MACROD2: variants seen among roughly 807,000 people sequenced by gnomAD.
MACROD2 encodes the protein ADP-ribose glycohydrolase MACROD2.
Under a neutral mutation model 70.4 loss-of-function variants are expected in MACROD2, and 36 were observed. The ratio of observed to expected loss-of-function variants is 0.51; its 90% CI spans 0.39 to 0.68. The LOEUF is 0.68. Ranked by LOEUF, MACROD2 falls within the 30% of genes least tolerant of loss-of-function variation. The pLI is 0.00. For synonymous variants in MACROD2, 172 were observed against 178.8 expected, an observed-to-expected ratio of 0.96 and a Z score of 0.30; for missense variants, 496 against 538.4, an observed-to-expected ratio of 0.92 and a Z score of 0.78.
intron 5 of MACROD2, among the ~76,000 whole-genome samples, chr20:14,770,591 A>G (rs1189914595): frequency 6.6e-6 from 1 of 152,110 alleles, no homozygotes; most frequent in Non-Finnish European, 1.5e-5. Flanking sequence ...ATTCACTTCT[A>G]GAATATTTTA....
intron 6 of MACROD2, among the ~76,000 whole-genome samples, chr20:15,275,778 G>C (rs2077385503): frequency 6.6e-6 from 1 of 152,138 alleles, no homozygotes; most frequent in Admixed American, 6.5e-5. Flanking sequence ...TGGAGACTCA[G>C]GCCTGTCTCT....
intron 4 of MACROD2, among the ~76,000 whole-genome samples, chr20:14,572,317 A>G (rs987952531): frequency 3.9e-5 from 6 of 152,150 alleles, no homozygotes; most frequent in African/African-American, 1.4e-4. Context: ...TAGGATTCTC[A>G]AATATTGCTG....
In MACROD2 at chr20:14,974,117, G is replaced by T. The variant is rs1006835055; in HGVS notation, c.419-255823G>T. On this transcript the variant is annotated intron_variant, in intron 5 of 17. Transcript: ENST00000684519. ...CTAATGCAATAGCCAGTTGGAAAGG[G>T]TCAAGTGAAAGCTGAAGTAAGGAAT... Among the ~76,000 whole-genome samples the T allele has an allele frequency of 4.6e-5, 7 of 152,304 alleles. 1 individual carries two copies. Among genetic ancestry groups the T allele is most frequent in the Admixed American group, 3.9e-4 (6 of 15,304 alleles).
At chr20:15,623,667 G>A (rs1023802288) in intron 8 of MACROD2, among the ~76,000 whole-genome samples, 1 of 145,842 alleles carries the variant, frequency 6.9e-6, no homozygotes, top group African/African-American at 2.6e-5. Flanking sequence ...ACTAAGTTTA[G>A]CAAGTTATCT....
At chr20:15,647,887 T>A (rs550462169) in intron 8 of MACROD2, among the ~76,000 whole-genome samples, 93 of 152,104 alleles carry the variant, frequency 6.1e-4, no homozygotes, top group African/African-American at 2.1e-3. Flanking sequence ...ATCGGCTAAT[T>A]TTTGTATTTT....
At chr20:15,216,787 G>A (rs890983437) in intron 5 of MACROD2, among the ~76,000 whole-genome samples, 5 of 152,028 alleles carry the variant, frequency 3.3e-5, no homozygotes, top group East Asian at 1.9e-4. Flanking sequence ...CTCAGAAGAC[G>A]CCCGTGAAAC....
intron 3 of MACROD2, chr20:14,127,572 CTT>C: frequency 6.3e-6 from 3 of 477,472 alleles, no homozygotes; most frequent in Admixed American, 3.1e-5. Flanking sequence ...AGAGAAGAAA[CTT>C]TGAGTAGGAA....
intron 8 of MACROD2, among the ~76,000 whole-genome samples, chr20:15,729,641 A>G (rs914832319): frequency 6.6e-6 from 1 of 152,028 alleles, no homozygotes; most frequent in African/African-American, 2.4e-5. Flanking sequence ...ATTTTAATGT[A>G]GTGCCCTTCT....
chr20:15,668,450 C>A (rs1402012563), intron 8 of MACROD2, among the ~76,000 whole-genome samples: 1 of 151,988 alleles, frequency 6.6e-6, no homozygotes, highest in Non-Finnish European at 1.5e-5. Context: ...TGCCTGTAAT[C>A]CCAGCTACTT....
intron 12 of MACROD2, among the ~76,000 whole-genome samples, chr20:15,949,431 A>G (rs2065874655): frequency 6.6e-6 from 1 of 152,162 alleles, no homozygotes; most frequent in Non-Finnish European, 1.5e-5. Context: ...AGTAACAGGT[A>G]ACATTCAAAA....
At chr20:14,363,677 C>G (rs921543994) in intron 3 of MACROD2, among the ~76,000 whole-genome samples, 2 of 81,996 alleles carry the variant, frequency 2.4e-5, no homozygotes. Context: ...AAAAATTAGC[C>G]GGGCGCGGTG....
intron 7 of MACROD2, among the ~76,000 whole-genome samples, chr20:15,485,334 G>T (rs2047150121): frequency 7.2e-6 from 1 of 138,432 alleles, no homozygotes; most frequent in Non-Finnish European, 1.7e-5. Context: ...TCCCAAAGAG[G>T]TCCATCAAAG....
At chr20:15,531,162 A>G (rs190537036) in intron 8 of MACROD2, among the ~76,000 whole-genome samples, 11 of 151,884 alleles carry the variant, frequency 7.2e-5, no homozygotes, top group African/African-American at 2.7e-4. Context: ...GTTGAAAATT[A>G]CCAGAATAAA....
chr20:15,086,737 T>C (rs1315154402), intron 5 of MACROD2, among the ~76,000 whole-genome samples: 1 of 152,012 alleles, frequency 6.6e-6, no homozygotes, highest in African/African-American at 2.4e-5. Flanking sequence ...GTTTTCCTTC[T>C]AACTGTGACA....
intron 5 of MACROD2, among the ~76,000 whole-genome samples, chr20:14,710,764 C>T (rs1451415949): frequency 6.6e-6 from 1 of 152,148 alleles, no homozygotes; most frequent in Admixed American, 6.5e-5. Context: ...TTTACCTACT[C>T]ACTCATTAAT....
At chr20:14,580,593 T>C (rs1166314402) in intron 4 of MACROD2, among the ~76,000 whole-genome samples, 2 of 152,214 alleles carry the variant, frequency 1.3e-5, no homozygotes, top group Non-Finnish European at 2.9e-5. Flanking sequence ...ATGCCCAGGA[T>C]TGTGCTGTGT....
At chr20:14,022,396 T>C (rs2148625478) in intron 2 of MACROD2, among the ~76,000 whole-genome samples, 1 of 152,226 alleles carries the variant, frequency 6.6e-6, no homozygotes, top group South Asian at 2.1e-4. Flanking sequence ...TGAAATAAAT[T>C]GATTAAATTA....
At chr20:15,146,650 T>G (rs916098392) in intron 5 of MACROD2, among the ~76,000 whole-genome samples, 6 of 152,174 alleles carry the variant, frequency 3.9e-5, no homozygotes, top group African/African-American at 1.4e-4. Context: ...GTTTTTTACA[T>G]TTTCCATCTC....
chr20:15,196,880 G>A (rs968784327), intron 5 of MACROD2: 2 of 985,340 alleles, frequency 2.0e-6, no homozygotes, highest in Non-Finnish European at 2.4e-6. Context: ...CAGATGACAG[G>A]CTCAGGCCTT....
Sources: allele counts gnomAD v4.1 joint callset (sites outside exome capture counted in the v4.1 genomes callset), GRCh38; gene constraint gnomAD v4.1.1; transcripts MANE v1.5; gene names NCBI Gene and HGNC (gene_info 2026-07-23, HGNC 2026-07-21).